KIFAP3: variants seen among roughly 807,000 people sequenced by gnomAD.
KIFAP3 encodes kinesin-associated protein 3.
Under a neutral mutation model 106.5 loss-of-function variants are expected in KIFAP3, and 68 were observed. The observed-to-expected ratio is 0.64, with a 90% confidence interval of 0.53 to 0.78. KIFAP3 has a LOEUF of 0.78. KIFAP3 is among the 30% of genes least tolerant of loss of function. KIFAP3 has a pLI of 0.00. For missense variants in KIFAP3, 780 were observed against 941.8 expected (o/e 0.83, Z 2.25); for synonymous variants, 320 against 311.5 (o/e 1.03, Z -0.29).
chr1:169,989,633 A>G (rs780076539), intron 11 of KIFAP3, among the ~76,000 whole-genome samples: 20 of 152,064 alleles, frequency 1.3e-4, no homozygotes, highest in Non-Finnish European at 2.8e-4. Context: ...TCTGACATGC[A>G]TTATCTCTAT....
intron 1 of KIFAP3, among the ~76,000 whole-genome samples, chr1:170,083,450 T>A (rs1197313489): frequency 2.0e-5 from 3 of 152,210 alleles, no homozygotes; most frequent in Non-Finnish European, 1.5e-5. Flanking sequence ...GAGTAAGAAC[T>A]TGGTTAGTGT....
chr1:170,038,246 A>G, intron 5 of KIFAP3, 44 bp downstream of exon 5: 1 of 1,409,002 alleles, frequency 7.1e-7, no homozygotes, highest in South Asian at 1.4e-5. Context: ...AAATAACTGT[A>G]ACTTATTCCT....
At chr1:169,971,475 T>C (rs563853342) in intron 17 of KIFAP3, among the ~76,000 whole-genome samples, 318 of 152,154 alleles carry the variant, frequency 2.1e-3, no homozygotes, top group African/African-American at 7.3e-3. Context: ...TATTCTGACT[T>C]AGAAATCAAA....
intron 19 of KIFAP3, among the ~76,000 whole-genome samples, chr1:169,943,236 T>C (rs148101154): frequency 0.014 from 2,098 of 152,234 alleles, 56 homozygotes; most frequent in African/African-American, 0.045. Flanking sequence ...GGAATTAATA[T>C]TACATTTAAA....
At chr1:170,083,636 T>C (rs1672054480) in intron 1 of KIFAP3, among the ~76,000 whole-genome samples, 1 of 152,194 alleles carries the variant, frequency 6.6e-6, no homozygotes, top group South Asian at 2.1e-4. Context: ...GGGCAGCAAT[T>C]GATATTAGCT....
intron 19 of KIFAP3, among the ~76,000 whole-genome samples, chr1:169,932,713 T>C: frequency 3.2e-5 from 1 of 30,870 alleles, no homozygotes; most frequent in Non-Finnish European, 5.2e-5. Flanking sequence ...TTAATTAATG[T>C]TAAGTTTTTT....
chr1:170,053,597 T>C (rs1304419120), intron 2 of KIFAP3, among the ~76,000 whole-genome samples: 1 of 151,710 alleles, frequency 6.6e-6, no homozygotes, highest in Non-Finnish European at 1.5e-5. Flanking sequence ...CAAACTATAC[T>C]ACAAGGCTAC....
rs144401150 is a variant in KIFAP3 at position 170,049,186 on chromosome 1, G to A, written c.165-2320C>T. Among the ~76,000 whole-genome samples the A allele has an allele frequency of 6.9e-3, 1,055 of 152,282 alleles. 10 individuals are homozygous for A. The highest frequency in any genetic ancestry group is 0.012 in the Non-Finnish European group (787 of 68,020). On this transcript the variant is annotated intron_variant, in intron 2 of 19. Coordinates refer to ENST00000361580, the MANE Select transcript of KIFAP3 (RefSeq NM_014970.4). ...GAGGCTGTAGTAGGTAGTTTTCCCC[G>A]GACAGTGCTAAGGAGACTGGGAGGT...
chr1:170,016,685 A>G (rs1405334257), intron 9 of KIFAP3, 61 bp from the exon 10 acceptor site: 3 of 1,030,406 alleles, frequency 2.9e-6, no homozygotes, highest in South Asian at 3.9e-5. Flanking sequence ...CAAAAAGAAT[A>G]TAATTATTTT....
chr1:169,967,909 A>T (rs1427393584), intron 17 of KIFAP3, among the ~76,000 whole-genome samples: 2 of 151,770 alleles, frequency 1.3e-5, no homozygotes, highest in Non-Finnish European at 2.9e-5. Flanking sequence ...CCCCAGCCCC[A>T]TATCAGAAAA....
intron 19 of KIFAP3, among the ~76,000 whole-genome samples, chr1:169,931,776 T>C (rs953566612): frequency 2.6e-5 from 4 of 152,196 alleles, no homozygotes; most frequent in Non-Finnish European, 5.9e-5. Flanking sequence ...AACTAGAGAA[T>C]ATCATGTAAG....
chr1:170,035,853 TTTAATAACCTTAAA>T (rs1174387270), intron 5 of KIFAP3, among the ~76,000 whole-genome samples: 2 of 152,098 alleles, frequency 1.3e-5, no homozygotes, highest in Non-Finnish European at 2.9e-5. Flanking sequence ...CATTTCTTAA[TTTAATAACCTTAAA>T]TTAAGAACTG....
At chr1:169,989,575 G>T (rs1373588776) in intron 11 of KIFAP3, among the ~76,000 whole-genome samples, 1 of 151,900 alleles carries the variant, frequency 6.6e-6, no homozygotes, top group Admixed American at 6.6e-5. Flanking sequence ...CTCTTTTATT[G>T]AAAACTTGTT....
At chr1:169,994,018 T>G (rs1667251766) in intron 10 of KIFAP3, among the ~76,000 whole-genome samples, 1 of 152,256 alleles carries the variant, frequency 6.6e-6, no homozygotes, top group Non-Finnish European at 1.5e-5. Flanking sequence ...TATCCCCAGA[T>G]GCAAGAATAG....
intron 8 of KIFAP3, among the ~76,000 whole-genome samples, chr1:170,027,570 A>T (rs1669178867): frequency 6.6e-6 from 1 of 152,192 alleles, no homozygotes; most frequent in African/African-American, 2.4e-5. Flanking sequence ...AAACTAGATG[A>T]AATTAACAGC....
At chr1:170,004,517 C>T (rs1667841894) in intron 10 of KIFAP3, among the ~76,000 whole-genome samples, 2 of 151,792 alleles carry the variant, frequency 1.3e-5, no homozygotes, top group Admixed American at 6.6e-5. Flanking sequence ...AGATATAGAC[C>T]AATGGAACAG....
chr1:169,991,790 G>A (rs927331328), intron 11 of KIFAP3, among the ~76,000 whole-genome samples: 3 of 151,896 alleles, frequency 2.0e-5, no homozygotes, highest in Non-Finnish European at 4.4e-5. Flanking sequence ...TTACATCCAT[G>A]TAATAGAATA....
At chr1:170,003,916 A>C (rs983947506) in intron 10 of KIFAP3, among the ~76,000 whole-genome samples, 21 of 113,840 alleles carry the variant, frequency 1.8e-4, no homozygotes, top group African/African-American at 6.0e-4. Context: ...GAGGAAGTCA[A>C]ATTGTCCCTG....
intron 19 of KIFAP3, among the ~76,000 whole-genome samples, chr1:169,948,164 T>A (rs2101829728): frequency 6.6e-6 from 1 of 151,996 alleles, no homozygotes; most frequent in South Asian, 2.1e-4. Flanking sequence ...TGTTCTTTAT[T>A]ACCAAATGCC....
Sources: gnomAD v4.1 joint callset for allele counts (sites outside exome capture counted in the v4.1 genomes callset) on GRCh38, gnomAD v4.1.1 for gene constraint, MANE v1.5 for transcripts, NCBI Gene and HGNC (gene_info 2026-07-23, HGNC 2026-07-21) for gene names.